The following PCCB variants were observed in gnomAD, a reference collection of about 807,000 sequenced individuals.
PCCB encodes the protein propionyl-CoA carboxylase subunit beta, also known as propionyl-CoA carboxylase beta chain, mitochondrial.
In PCCB, 43 loss-of-function variants were observed where a neutral mutation model predicts 60.7. The ratio of observed to expected loss-of-function variants is 0.71; its 90% CI spans 0.55 to 0.91. The LOEUF is 0.91. Ranked by LOEUF, PCCB falls within the 40% of genes least tolerant of loss-of-function variation. The pLI, the probability that PCCB is intolerant of heterozygous loss-of-function variation, is 0.00. For synonymous variants in PCCB, 276 were observed against 255.9 expected, an observed-to-expected ratio of 1.08 and a Z score of -0.75; for missense variants, 766 against 702.8, an observed-to-expected ratio of 1.09 and a Z score of -1.02.
chr3:136,264,440 G>GTGTGTATATATATATATA lies in PCCB; in HGVS notation c.543+2376_543+2377insGTGTATATATATATATAT. 6.3e-4 allele frequency among the ~76,000 whole-genome samples: 78 copies of GTGTGTATATATATATATA among 123,834 alleles called. 1 individual carries two copies. The highest frequency in any genetic ancestry group is 4.1e-3 in the Middle Eastern group (1 of 244). 81.2% of individuals were successfully genotyped at this position (123,834 alleles called of 152,430 possible). A position where few individuals can be genotyped will look rare whatever the true frequency, so the allele number is the denominator to read the frequency against. The stretch of plus-strand genomic sequence containing the variant: ...CTGTCTCTCATATATATGTGTGTGT[G>GTGTGTATATATATATATA]TATATATGTATATATATATATGTTC... On this transcript the variant is annotated intron_variant, in intron 5 of 14. Transcript: ENST00000251654.
intron 7 of PCCB, among the ~76,000 whole-genome samples, chr3:136,294,320 C>T (rs184029848): frequency 5.3e-5 from 8 of 151,144 alleles, no homozygotes; most frequent in Non-Finnish European, 8.9e-5. Flanking sequence ...TTGTTAACTT[C>T]TTTTTTTTTG....
At chr3:136,276,866 C>G (rs2108171678) in intron 5 of PCCB, among the ~76,000 whole-genome samples, 1 of 152,338 alleles carries the variant, frequency 6.6e-6, no homozygotes, top group South Asian at 2.1e-4. Context: ...ATCTGGAACT[C>G]AAGGCCTGCC....
intron 9 of PCCB, among the ~76,000 whole-genome samples, chr3:136,308,400 GATA>G (rs1048248312): frequency 1.3e-5 from 2 of 152,064 alleles, no homozygotes; most frequent in African/African-American, 2.4e-5. Context: ...AGTTCACAAT[GATA>G]ATGTAAAGCA....
intron 10 of PCCB, among the ~76,000 whole-genome samples, chr3:136,325,124 A>G (rs540300282): frequency 1.3e-5 from 2 of 152,298 alleles, no homozygotes; most frequent in African/African-American, 4.8e-5. Flanking sequence ...TCCTGACCTC[A>G]GGTGATCCGC....
intron 5 of PCCB, among the ~76,000 whole-genome samples, chr3:136,264,419 C>G (rs1163114838): frequency 1.7e-5 from 2 of 119,570 alleles, no homozygotes; most frequent in Admixed American, 1.6e-4. Context: ...CTGTCTCTGT[C>G]TCTCATATAT....
intron 10 of PCCB, among the ~76,000 whole-genome samples, chr3:136,324,998 T>C (rs1441401010): frequency 6.6e-6 from 1 of 152,168 alleles, no homozygotes; most frequent in African/African-American, 2.4e-5. Context: ...GTTCAAGCAA[T>C]TCTCCTGCCT....
At chr3:136,254,421 C>T (rs1022363010) in intron 1 of PCCB, among the ~76,000 whole-genome samples, 2 of 146,284 alleles carry the variant, frequency 1.4e-5, no homozygotes, top group Admixed American at 6.9e-5. Flanking sequence ...AGGGTTTCGC[C>T]GTGTTAGCCA....
intron 8 of PCCB, among the ~76,000 whole-genome samples, chr3:136,298,788 C>G (rs1048397415): frequency 6.6e-6 from 1 of 152,186 alleles, no homozygotes; most frequent in Non-Finnish European, 1.5e-5. Flanking sequence ...ATTATAAGCA[C>G]TCACTTGGCC....
chr3:136,298,194 C>T, intron 8 of PCCB, 122 bp downstream of exon 8: 1 of 1,203,194 alleles, frequency 8.3e-7, no homozygotes. Flanking sequence ...TAGAGTGGCT[C>T]CCAGGTGTGG....
At chr3:136,310,659 TA>T (rs922980010) in intron 9 of PCCB, among the ~76,000 whole-genome samples, 2 of 152,222 alleles carry the variant, frequency 1.3e-5, no homozygotes, top group Non-Finnish European at 2.9e-5. Context: ...CAAAATTTTT[TA>T]AAAGAAGTAT....
chr3:136,253,311 G>T (rs994661496), intron 1 of PCCB, among the ~76,000 whole-genome samples: 13 of 150,638 alleles, frequency 8.6e-5, no homozygotes, highest in Admixed American at 6.6e-4. Flanking sequence ...GGATGGTCTC[G>T]ATCTCCTGAC....
At chr3:136,285,462 C>A (rs1469057378) in intron 6 of PCCB, among the ~76,000 whole-genome samples, 1 of 152,124 alleles carries the variant, frequency 6.6e-6, no homozygotes, top group Non-Finnish European at 1.5e-5. Context: ...CTCTAGTTGG[C>A]ATACTCCTGT....
At chr3:136,250,787 A>G (rs569746280) in intron 1 of PCCB, among the ~76,000 whole-genome samples, 1 of 152,324 alleles carries the variant, frequency 6.6e-6, no homozygotes, top group African/African-American at 2.4e-5. Context: ...ATTTAGACGG[A>G]TCTGGCTCGT....
chr3:136,256,718 C>A (rs556204706), intron 3 of PCCB, 95 bp downstream of exon 3: 6 of 888,606 alleles, frequency 6.8e-6, no homozygotes, highest in African/African-American at 6.6e-5. Context: ...TGAAAACTTG[C>A]TTGTAGTTTG....
At chr3:136,270,503 A>G (rs1410693642) in intron 5 of PCCB, among the ~76,000 whole-genome samples, 2 of 150,194 alleles carry the variant, frequency 1.3e-5, no homozygotes, top group Non-Finnish European at 3.0e-5. Flanking sequence ...TTGTTTTTTG[A>G]CATTTTTTTT....
Position 136,330,144 on chromosome 3 carries a change from TA to T in PCCB, c.*120del. 6.4e-7 allele frequency: 1 copy of T among 1,560,286 alleles called. No individual in the cohort carries two copies. Among genetic ancestry groups the T allele is most frequent in the Non-Finnish European group, 8.7e-7 (1 of 1,146,418 alleles). ...AAATAGTTGGATAACTTAGAATAAC[TA>T]AGTTTATTAAATTCTAGAAAGATCT... On this transcript the variant is annotated 3_prime_UTR_variant, in exon 15 of 15. Coordinates refer to ENST00000251654, the MANE Select transcript of PCCB (RefSeq NM_000532.5).
intron 1 of PCCB, chr3:136,251,170 G>A (rs1421969046): frequency 1.5e-5 from 7 of 455,388 alleles, no homozygotes; most frequent in Non-Finnish European, 3.1e-5. Context: ...TTCTGGGAGT[G>A]CGCAGGCTAC....
Position 136,328,797 on chromosome 3 carries a change from G to C in PCCB, c.1438G>C (p.Glu480Gln), listed in dbSNP as rs1365929426. ...CATCTTCAAAGGGCATGAGAATGTG[G>C]AAGCTGCTCAGGCAGAGTACATCGA... ...EIIFKGHENVEAAQAEYIEKF... is the reference protein window; with the variant it reads ...EIIFKGHENVQAAQAEYIEKF... Residue 480 changes from glutamate (E) to glutamine (Q), a missense_variant, in exon 14 of 15, where the codon GAA becomes CAA. By Grantham distance (29) the Glu-to-Gln change is conservative. Transcript: ENST00000251654. The C allele has an allele frequency of 6.2e-7, 1 of 1,614,204 alleles. No homozygotes were observed. The highest frequency in any genetic ancestry group is 8.5e-7 in the Non-Finnish European group (1 of 1,180,012).
chr3:136,310,294 C>T (rs548780240), intron 9 of PCCB, among the ~76,000 whole-genome samples: 37 of 151,228 alleles, frequency 2.4e-4, no homozygotes, highest in African/African-American at 8.3e-4. Flanking sequence ...ACCCAGGAGG[C>T]GGAGGTTGCG....
Sources: allele counts gnomAD v4.1 joint callset (sites outside exome capture counted in the v4.1 genomes callset), GRCh38; gene constraint gnomAD v4.1.1; transcripts MANE v1.5; gene names NCBI Gene and HGNC (gene_info 2026-07-23, HGNC 2026-07-21).